The following ZNF385B variants were observed in gnomAD, a reference collection of about 807,000 sequenced individuals.
ZNF385B encodes the protein zinc finger protein 533.
ZNF385B carries 23 observed loss-of-function variants against 39.2 expected under a neutral mutation model. The observed-to-expected ratio is 0.59, with a 90% CI of 0.42 to 0.83. The LOEUF (loss-of-function observed/expected upper bound fraction) is 0.83. Among genes scored for constraint, ZNF385B ranks in the 40% least tolerant of loss-of-function variants. ZNF385B has a pLI of 0.00. For synonymous variants in ZNF385B, 205 were observed against 222.6 expected (o/e 0.92, Z 0.70); for missense variants, 552 against 598.9 (o/e 0.92, Z 0.82).
intron 3 of ZNF385B, among the ~76,000 whole-genome samples, chr2:179,579,752 T>TAA (rs1185174718): frequency 6.6e-6 from 1 of 152,174 alleles, no homozygotes; most frequent in Non-Finnish European, 1.5e-5. Flanking sequence ...GATATGTGCT[T>TAA]AAAAATAATA....
chr2:179,663,576 G>A (rs1272142189), intron 3 of ZNF385B, among the ~76,000 whole-genome samples: 1 of 152,066 alleles, frequency 6.6e-6, no homozygotes, highest in Non-Finnish European at 1.5e-5. Flanking sequence ...CGGGCGTGGT[G>A]GCGGGCGCCT....
chr2:179,768,342 C>G (rs1703824895), intron 3 of ZNF385B, among the ~76,000 whole-genome samples: 1 of 152,104 alleles, frequency 6.6e-6, no homozygotes, highest in Admixed American at 6.5e-5. Context: ...AATAATTTTT[C>G]TACTATTATA....
At chr2:179,782,936 C>T (rs1159499173) in intron 1 of ZNF385B, among the ~76,000 whole-genome samples, 1 of 152,166 alleles carries the variant, frequency 6.6e-6, no homozygotes, top group Non-Finnish European at 1.5e-5. Flanking sequence ...CAACGCTATT[C>T]CTATCAAACT....
intron 3 of ZNF385B, chr2:179,745,634 G>C: frequency 7.6e-7 from 1 of 1,308,182 alleles, no homozygotes; most frequent in Non-Finnish European, 1.0e-6. Context: ...GACTCCACAG[G>C]ATTCAGCATA....
At chr2:179,745,682 A>C (rs761240711) in intron 3 of ZNF385B, 217 of 1,530,748 alleles carry the variant, frequency 1.4e-4, no homozygotes, top group Non-Finnish European at 1.7e-4. Flanking sequence ...CCCAGACCCC[A>C]GCATCCAAGT....
intron 3 of ZNF385B, among the ~76,000 whole-genome samples, chr2:179,597,344 A>G (rs1424602657): frequency 1.3e-5 from 2 of 152,172 alleles, no homozygotes; most frequent in Non-Finnish European, 2.9e-5. Context: ...TTTGTCTTAA[A>G]AGGTACAGCA....
At chr2:179,470,866 GAAAC>G (rs56072176) in intron 6 of ZNF385B, among the ~76,000 whole-genome samples, 3 of 151,126 alleles carry the variant, frequency 2.0e-5, no homozygotes, top group Non-Finnish European at 1.5e-5. Context: ...GTATGTCCCT[GAAAC>G]AAACAAACAA....
At chr2:179,769,409 A>C (rs1294739665) in intron 3 of ZNF385B, 94 bp downstream of exon 3, 3 of 1,533,842 alleles carry the variant, frequency 2.0e-6, no homozygotes, top group Non-Finnish European at 2.6e-6. Context: ...GCCCAGTTTT[A>C]AGGTAAAAAT....
At chr2:179,722,408 G>A (rs1700751715) in intron 3 of ZNF385B, among the ~76,000 whole-genome samples, 1 of 152,018 alleles carries the variant, frequency 6.6e-6, no homozygotes, top group African/African-American at 2.4e-5. Context: ...ACAATTCAAT[G>A]GAATGGAATA....
At chr2:179,694,038 T>C (rs534648009) in intron 3 of ZNF385B, among the ~76,000 whole-genome samples, 17 of 152,234 alleles carry the variant, frequency 1.1e-4, no homozygotes, top group Admixed American at 3.3e-4. Context: ...AATAGACTCA[T>C]TTATCTTCAA....
At chr2:179,746,584 C>A (rs969670667) in intron 3 of ZNF385B, among the ~76,000 whole-genome samples, 3 of 152,108 alleles carry the variant, frequency 2.0e-5, no homozygotes, top group Non-Finnish European at 4.4e-5. Context: ...AGATTTAAAT[C>A]TATTCTGTGT....
chr2:179,519,141 C>T (rs1318957961), intron 4 of ZNF385B, among the ~76,000 whole-genome samples: 4 of 152,084 alleles, frequency 2.6e-5, no homozygotes, highest in African/African-American at 4.8e-5. Context: ...CCACACTATG[C>T]CCAGCTAAAA....
chr2:179,509,072 A>G (rs12474239), intron 5 of ZNF385B, among the ~76,000 whole-genome samples: 108,119 of 151,650 alleles, frequency 0.71, 39,646 homozygotes, highest in East Asian at 0.91. Context: ...TCAGCCTCCC[A>G]AGTAGCTGGG....
At chr2:179,512,117 T>C (rs1390598409) in intron 5 of ZNF385B, among the ~76,000 whole-genome samples, 2 of 152,278 alleles carry the variant, frequency 1.3e-5, no homozygotes, top group African/African-American at 4.8e-5. Context: ...GGGTCAATTC[T>C]GACTTAGAGT....
chr2:179,666,715 G>A (rs1205333824), intron 3 of ZNF385B, among the ~76,000 whole-genome samples: 1 of 151,788 alleles, frequency 6.6e-6, no homozygotes, highest in African/African-American at 2.4e-5. Context: ...TCCATTCTGG[G>A]CCAGGCCCTG....
intron 3 of ZNF385B, among the ~76,000 whole-genome samples, chr2:179,716,781 A>G (rs974710559): frequency 6.6e-6 from 1 of 152,156 alleles, no homozygotes; most frequent in African/African-American, 2.4e-5. Flanking sequence ...CCCCTGAGCC[A>G]CCGTATCAAC....
intron 3 of ZNF385B, among the ~76,000 whole-genome samples, chr2:179,609,764 G>A (rs1418208107): frequency 6.6e-6 from 1 of 151,896 alleles, no homozygotes; most frequent in Non-Finnish European, 1.5e-5. Context: ...TTGAATAAAA[G>A]CCATTTTTAC....
chr2:179,610,122 A>G (rs1689165480), intron 3 of ZNF385B, among the ~76,000 whole-genome samples: 1 of 152,108 alleles, frequency 6.6e-6, no homozygotes, highest in African/African-American at 2.4e-5. Flanking sequence ...GCTATTACTC[A>G]AGAAATCTTT....
At chr2:179,824,805 A>G (rs1213921198) in intron 1 of ZNF385B, among the ~76,000 whole-genome samples, 2 of 152,074 alleles carry the variant, frequency 1.3e-5, no homozygotes, top group Non-Finnish European at 2.9e-5. Context: ...ACTTTTAAAC[A>G]GGGTGGCCAT....
Sources: gnomAD v4.1 joint callset for allele counts (sites outside exome capture counted in the v4.1 genomes callset) on GRCh38, gnomAD v4.1.1 for gene constraint, MANE v1.5 for transcripts, NCBI Gene and HGNC (gene_info 2026-07-23, HGNC 2026-07-21) for gene names.